MAP2: variants seen among roughly 807,000 people sequenced by gnomAD.
MAP2 encodes the protein microtubule-associated protein 2.
In MAP2, 14 loss-of-function variants were observed where a neutral mutation model predicts 137.6. The ratio of observed to expected loss-of-function variants is 0.10; its 90% CI spans 0.07 to 0.16. The LOEUF (loss-of-function observed/expected upper bound fraction) is 0.16. Among genes scored for constraint, MAP2 ranks in the 10% least tolerant of loss-of-function variants. The pLI is 1.00. For missense variants in MAP2, 2,088 were observed against 2,191.5 expected (o/e 0.95, Z 0.94); for synonymous variants, 786 against 782.3 (o/e 1.00, Z -0.08).
intron 11 of MAP2, among the ~76,000 whole-genome samples, chr2:209,701,550 T>C (rs2061766411): frequency 3.3e-5 from 5 of 152,026 alleles, no homozygotes; most frequent in African/African-American, 4.8e-5. Flanking sequence ...ACATGTAATA[T>C]GTAAATCACA....
Position 209,695,440 on chromosome 2 carries a change from A to G in MAP2, c.3270A>G (p.Ala1090=), listed in dbSNP as rs1436599432. 4 of 1,613,904 alleles carry G rather than the reference A, an allele frequency of 2.5e-6. No individual in the cohort carries two copies. In the South Asian group the frequency reaches 4.4e-5, roughly 18 times the overall value. Residue 1090 remains alanine (A), a synonymous_variant, in exon 8 of 16, where the codon GCA becomes GCG. Coordinates refer to ENST00000682079, the MANE Select transcript of MAP2 (RefSeq NM_001375505.1). ...PSSKAPQEAD[A]FMGVESGHMK... The stretch of plus-strand genomic sequence containing the variant: ...CCAAAGCACCGCAGGAGGCAGATGC[A>G]TTTATGGGTGTTGAGTCTGGCCACA...
At chr2:209,673,367 G>A (rs1045922683) in intron 5 of MAP2, among the ~76,000 whole-genome samples, 1 of 151,432 alleles carries the variant, frequency 6.6e-6, no homozygotes, top group Admixed American at 6.6e-5. Flanking sequence ...TGACACTACC[G>A]ATAAAATAAT....
intron 1 of MAP2, among the ~76,000 whole-genome samples, chr2:209,439,373 A>G (rs765088249): frequency 6.6e-5 from 10 of 151,604 alleles, no homozygotes; most frequent in Non-Finnish European, 1.2e-4. Context: ...AAATGTGTAC[A>G]TATATATAAT....
intron 1 of MAP2, among the ~76,000 whole-genome samples, chr2:209,481,649 C>A (rs1194337911): frequency 1.3e-5 from 2 of 152,182 alleles, no homozygotes; most frequent in African/African-American, 4.8e-5. Context: ...ATGAATTTGA[C>A]TGCAGATGAA....
chr2:209,729,545 G>C (rs950303458), intron 14 of MAP2, among the ~76,000 whole-genome samples: 3 of 152,100 alleles, frequency 2.0e-5, no homozygotes, highest in Non-Finnish European at 4.4e-5. Flanking sequence ...CTAATTTTTA[G>C]AGTTCTTGTT....
chr2:209,667,824 G>A lies in MAP2; in HGVS notation c.263-10748G>A, dbSNP rs542458534. 3.3e-5 allele frequency among the ~76,000 whole-genome samples: 5 copies of A among 151,932 alleles called. No individual in the cohort carries two copies. In the South Asian group the frequency reaches 6.2e-4, roughly 19 times the overall value. Reference sequence around the variant, plus strand: ...TAGTAATATCTGCCTACCTAGGACCGGCCCTATGCAGAATTAGAAAGTAAA... The same window carrying A: ...TAGTAATATCTGCCTACCTAGGACCAGCCCTATGCAGAATTAGAAAGTAAA... On this transcript the variant is annotated intron_variant, in intron 5 of 15. Coordinates refer to ENST00000682079, the MANE Select transcript of MAP2 (RefSeq NM_001375505.1).
intron 5 of MAP2, among the ~76,000 whole-genome samples, chr2:209,664,203 A>T (rs1349365540): frequency 1.3e-5 from 2 of 152,234 alleles, no homozygotes; most frequent in African/African-American, 4.8e-5. Flanking sequence ...TATATAACAC[A>T]GTGCTTATTT....
intron 4 of MAP2, among the ~76,000 whole-genome samples, chr2:209,652,496 A>T (rs1470051040): frequency 2.6e-5 from 4 of 152,144 alleles, no homozygotes; most frequent in Non-Finnish European, 4.4e-5. Flanking sequence ...ATTATACTTT[A>T]AGTTTTAGGG....
At chr2:209,569,366 G>A (rs1379893871) in intron 2 of MAP2, among the ~76,000 whole-genome samples, 2 of 151,726 alleles carry the variant, frequency 1.3e-5, no homozygotes. Flanking sequence ...AATATTTATT[G>A]TGCACCAGTT....
intron 12 of MAP2, among the ~76,000 whole-genome samples, chr2:209,707,062 A>G (rs1267358289): frequency 6.6e-6 from 1 of 152,166 alleles, no homozygotes; most frequent in East Asian, 1.9e-4. Context: ...AACATAATTA[A>G]TAACCCCAAG....
chr2:209,486,682 G>T (rs969934450), intron 1 of MAP2, among the ~76,000 whole-genome samples: 2 of 152,058 alleles, frequency 1.3e-5, no homozygotes, highest in Admixed American at 6.5e-5. Flanking sequence ...TTTTGCTTGT[G>T]GTTTTAAATA....
At chr2:209,486,064 A>G (rs2058340283) in intron 1 of MAP2, among the ~76,000 whole-genome samples, 2 of 152,212 alleles carry the variant, frequency 1.3e-5, no homozygotes, top group South Asian at 4.1e-4. Context: ...GTGTTCCACT[A>G]TAGGAATATA....
At chr2:209,593,537 C>T (rs1180560083) in intron 3 of MAP2, among the ~76,000 whole-genome samples, 1 of 133,588 alleles carries the variant, frequency 7.5e-6, no homozygotes, top group East Asian at 2.2e-4. Context: ...AAACTCAGCA[C>T]TTTAGGAGGC....
chr2:209,648,946 A>T (rs1349628728), intron 4 of MAP2, among the ~76,000 whole-genome samples: 1 of 152,152 alleles, frequency 6.6e-6, no homozygotes, highest in Non-Finnish European at 1.5e-5. Flanking sequence ...ATTGTACAGT[A>T]GGAATGGAAT....
chr2:209,691,003 C>T (rs912915361), intron 7 of MAP2, among the ~76,000 whole-genome samples: 4 of 152,194 alleles, frequency 2.6e-5, no homozygotes, highest in Non-Finnish European at 5.9e-5. Context: ...GAGAGTGTGG[C>T]TTGCGCAAGT....
At chr2:209,449,067 G>A (rs1468353267) in intron 1 of MAP2, among the ~76,000 whole-genome samples, 1 of 152,090 alleles carries the variant, frequency 6.6e-6, no homozygotes, top group Non-Finnish European at 1.5e-5. Flanking sequence ...GCTTCCATTA[G>A]GTCTTCCCTG....
intron 4 of MAP2, among the ~76,000 whole-genome samples, chr2:209,627,071 A>G (rs772451349): frequency 5.3e-5 from 8 of 152,070 alleles, no homozygotes; most frequent in Non-Finnish European, 1.0e-4. Context: ...TTCTTTTGCT[A>G]TAACACAATA....
intron 3 of MAP2, among the ~76,000 whole-genome samples, chr2:209,585,857 G>A (rs900961953): frequency 5.9e-5 from 9 of 152,222 alleles, no homozygotes; most frequent in South Asian, 2.1e-4. Context: ...ATGAGCCTCG[G>A]CTTTCCTCCA....
chr2:209,525,321 G>C (rs542528725), intron 2 of MAP2, among the ~76,000 whole-genome samples: 2 of 151,962 alleles, frequency 1.3e-5, no homozygotes, highest in African/African-American at 4.8e-5. Flanking sequence ...TAGAAATGAC[G>C]TCTTCTAATT....
Sources: allele counts gnomAD v4.1 joint callset (sites outside exome capture counted in the v4.1 genomes callset), GRCh38; gene constraint gnomAD v4.1.1; transcripts MANE v1.5; gene names NCBI Gene and HGNC (gene_info 2026-07-23, HGNC 2026-07-21).